The following PDE4D variants were observed in gnomAD, a reference collection of about 807,000 sequenced individuals.
The protein encoded by PDE4D is phosphodiesterase 4D, also known as 3',5'-cyclic-AMP phosphodiesterase 4D.
PDE4D carries 24 observed loss-of-function variants against 87.4 expected under a neutral mutation model. The observed-to-expected ratio is 0.27, with a 90% CI of 0.20 to 0.39. The LOEUF is 0.39. Ranked by LOEUF, PDE4D falls within the 10% of genes least tolerant of loss-of-function variation. PDE4D has a pLI of 1.00. For synonymous variants in PDE4D, 384 were observed against 383.2 expected (o/e 1.00, Z -0.02); for missense variants, 714 against 1,041.0 (o/e 0.69, Z 4.32).
At chr5:59,437,135 C>T (rs1008114060) in intron 1 of PDE4D, among the ~76,000 whole-genome samples, 1 of 152,164 alleles carries the variant, frequency 6.6e-6, no homozygotes, top group Non-Finnish European at 1.5e-5. Flanking sequence ...ACAAAACCAA[C>T]TGAATAAAAT....
chr5:59,257,204 T>G (rs890511664), intron 1 of PDE4D, among the ~76,000 whole-genome samples: 1 of 152,064 alleles, frequency 6.6e-6, no homozygotes, highest in Non-Finnish European at 1.5e-5. Flanking sequence ...CTTGCATACA[T>G]GAGGAAAATG....
intron 3 of PDE4D, among the ~76,000 whole-genome samples, chr5:59,952,752 G>A (rs1758430405): frequency 1.3e-5 from 2 of 152,164 alleles, no homozygotes; most frequent in South Asian, 4.1e-4. Flanking sequence ...TAACCCTCAA[G>A]GAGAGAACTC....
chr5:59,226,739 GC>G (rs1753855049), intron 1 of PDE4D, among the ~76,000 whole-genome samples: 1 of 152,138 alleles, frequency 6.6e-6, no homozygotes, highest in Non-Finnish European at 1.5e-5. Flanking sequence ...GGCAAAGCCT[GC>G]AGTAGCAGTA....
chr5:59,272,736 T>C (rs781629548), intron 1 of PDE4D, among the ~76,000 whole-genome samples: 6 of 152,126 alleles, frequency 3.9e-5, no homozygotes, highest in Non-Finnish European at 8.8e-5. Flanking sequence ...AAAATTTTAA[T>C]TATAACAGGC....
At chr5:60,073,721 T>C (rs1247002910) in intron 2 of PDE4D, among the ~76,000 whole-genome samples, 2 of 152,004 alleles carry the variant, frequency 1.3e-5, no homozygotes, top group Admixed American at 1.3e-4. Flanking sequence ...TTGGTCTGCT[T>C]AGGGATTCAA....
At chr5:59,667,243 G>A (rs561038373) in intron 1 of PDE4D, among the ~76,000 whole-genome samples, 2 of 151,962 alleles carry the variant, frequency 1.3e-5, no homozygotes, top group Admixed American at 6.5e-5. Flanking sequence ...TTTTTTGGGG[G>A]GGAGGTTCTG....
At chr5:59,620,214 C>A (rs1429388980) in intron 1 of PDE4D, among the ~76,000 whole-genome samples, 3 of 152,098 alleles carry the variant, frequency 2.0e-5, no homozygotes, top group Non-Finnish European at 4.4e-5. Flanking sequence ...GAGGCTCCAT[C>A]CAATTGGGTC....
At chr5:60,192,090 T>C (rs917631439) in intron 1 of PDE4D, among the ~76,000 whole-genome samples, 17 of 152,094 alleles carry the variant, frequency 1.1e-4, no homozygotes, top group Non-Finnish European at 2.4e-4. Flanking sequence ...CATTGTACCA[T>C]TTACAAAATA....
intron 5 of PDE4D, among the ~76,000 whole-genome samples, chr5:59,062,040 C>T (rs1763206692): frequency 6.6e-6 from 1 of 152,218 alleles, no homozygotes; most frequent in South Asian, 2.1e-4. Flanking sequence ...TGCTTCTCCA[C>T]TGCTTACTGT....
chr5:60,345,306 G>A (rs1194809632), intron 1 of PDE4D, among the ~76,000 whole-genome samples: 1 of 151,912 alleles, frequency 6.6e-6, no homozygotes, highest in Admixed American at 6.6e-5. Flanking sequence ...TGGGGTGGGG[G>A]AAGGGGGAGA....
intron 1 of PDE4D, among the ~76,000 whole-genome samples, chr5:60,370,025 G>A (rs1181609256): frequency 6.6e-6 from 1 of 151,926 alleles, no homozygotes; most frequent in Non-Finnish European, 1.5e-5. Context: ...TTTTCAATTA[G>A]TGCCTCTGTA....
chr5:60,415,742 C>T (rs1370455730), intron 1 of PDE4D, among the ~76,000 whole-genome samples: 1 of 152,230 alleles, frequency 6.6e-6, no homozygotes, highest in Admixed American at 6.5e-5. Flanking sequence ...CCCTGACAAG[C>T]GCTGCCCCCT....
intron 2 of PDE4D, among the ~76,000 whole-genome samples, chr5:59,198,065 C>G (rs892037179): frequency 4.6e-5 from 7 of 152,068 alleles, no homozygotes; most frequent in African/African-American, 1.7e-4. Flanking sequence ...GTGAATATCG[C>G]CTGGACATTT....
chr5:59,754,428 G>A (rs572922489), intron 1 of PDE4D, among the ~76,000 whole-genome samples: 2 of 152,208 alleles, frequency 1.3e-5, no homozygotes, highest in East Asian at 3.9e-4. Context: ...ACCTATTGTG[G>A]GTGCAGGGCT....
chr5:60,367,363 A>G (rs1760643556), intron 1 of PDE4D, among the ~76,000 whole-genome samples: 1 of 151,418 alleles, frequency 6.6e-6, no homozygotes, highest in African/African-American at 2.4e-5. Context: ...CAGGAGAATC[A>G]CTTGAACCCA....
At chr5:60,451,975 A>T (rs1398861825) in intron 1 of PDE4D, among the ~76,000 whole-genome samples, 2 of 152,276 alleles carry the variant, frequency 1.3e-5, no homozygotes, top group Non-Finnish European at 2.9e-5. Flanking sequence ...GGACTCTCAA[A>T]AAAACAGGAA....
chr5:60,197,082 T>TAGACAGAC (rs1181739475), intron 1 of PDE4D, among the ~76,000 whole-genome samples: 5 of 83,692 alleles, frequency 6.0e-5, no homozygotes, highest in African/African-American at 1.4e-4. Context: ...GACAGTTAGA[T>TAGACAGAC]AGATAGATAG....
chr5:59,607,754 G>A (rs980402803), intron 1 of PDE4D, among the ~76,000 whole-genome samples: 6 of 151,918 alleles, frequency 3.9e-5, no homozygotes, highest in African/African-American at 7.3e-5. Flanking sequence ...ACCACAATGC[G>A]GAAACAATAA....
rs75081241 is a variant in PDE4D, at chr5:59,853,484, A to G, written c.455+39684T>C. 5.5e-4 allele frequency among the ~76,000 whole-genome samples: 83 copies of G among 151,976 alleles called. 1 individual carries two copies. In the East Asian group the frequency reaches 0.014, roughly 26 times the overall value. On this transcript the variant is annotated intron_variant, in intron 1 of 14. Coordinates refer to ENST00000340635, the MANE Select transcript of PDE4D (RefSeq NM_001104631.2). ...ATAATCCCCATATTTAGAGCTAACT[A>G]CTCTTTTCAGTTTCCTATGCATATG... is the stretch of plus-strand genomic sequence containing the variant.
Sources: gnomAD v4.1 joint callset for allele counts (sites outside exome capture counted in the v4.1 genomes callset) on GRCh38, gnomAD v4.1.1 for gene constraint, MANE v1.5 for transcripts, NCBI Gene and HGNC (gene_info 2026-07-23, HGNC 2026-07-21) for gene names.